CCDC192: variants seen among roughly 807,000 people sequenced by gnomAD.
CCDC192 encodes the protein coiled-coil domain containing 192, also known as coiled-coil domain-containing protein 192.
chr5:127,793,665 A>T (rs183179789), intron 3 of CCDC192, among the ~76,000 whole-genome samples: 151 of 152,084 alleles, frequency 9.9e-4, no homozygotes, highest in African/African-American at 3.4e-3. Context: ...AACAAAAAAT[A>T]TAAAGAAAAT....
chr5:127,900,021 AACCACCACTTATCGGAC>A (rs1235882543), intron 6 of CCDC192, among the ~76,000 whole-genome samples: 7 of 152,014 alleles, frequency 4.6e-5, no homozygotes, highest in African/African-American at 1.4e-4. Flanking sequence ...GTGTAGATTT[AACCACCACTTATCGGAC>A]ACATGTTAAC....
chr5:127,757,979 C>A (rs550957996), intron 3 of CCDC192, among the ~76,000 whole-genome samples: 1 of 151,594 alleles, frequency 6.6e-6, no homozygotes, highest in Non-Finnish European at 1.5e-5. Flanking sequence ...ATGGGCTAGC[C>A]GGGTGAAGTA....
At chr5:127,721,856 G>A (rs1752046243) in intron 2 of CCDC192, among the ~76,000 whole-genome samples, 1 of 152,116 alleles carries the variant, frequency 6.6e-6, no homozygotes, top group African/African-American at 2.4e-5. Flanking sequence ...AGAAAGCGGG[G>A]AGGTGCCACA....
chr5:127,856,289 T>G (rs183494490), intron 5 of CCDC192, among the ~76,000 whole-genome samples: 31 of 152,360 alleles, frequency 2.0e-4, no homozygotes, highest in African/African-American at 7.5e-4. Flanking sequence ...TAATCTTTAC[T>G]AGCTTCCAAC....
intron 2 of CCDC192, among the ~76,000 whole-genome samples, chr5:127,733,026 A>C (rs1752732164): frequency 6.6e-6 from 1 of 152,198 alleles, no homozygotes; most frequent in Non-Finnish European, 1.5e-5. Context: ...TTTTTAAAAA[A>C]GAAGGTCAAG....
chr5:127,843,682 C>A (rs890411051), intron 5 of CCDC192, among the ~76,000 whole-genome samples: 7 of 152,164 alleles, frequency 4.6e-5, no homozygotes, highest in African/African-American at 1.7e-4. Flanking sequence ...AGGTGATCCG[C>A]CTGCCTGGCC....
At chr5:127,743,959 T>C (rs1054152890) in intron 2 of CCDC192, among the ~76,000 whole-genome samples, 6 of 151,622 alleles carry the variant, frequency 4.0e-5, no homozygotes, top group African/African-American at 1.5e-4. Context: ...CCAGGCATGG[T>C]GGCGGGCGCC....
At chr5:127,907,317 A>G (rs2127172879) in intron 6 of CCDC192, among the ~76,000 whole-genome samples, 1 of 152,298 alleles carries the variant, frequency 6.6e-6, no homozygotes, top group South Asian at 2.1e-4. Context: ...TTTATGTTTT[A>G]AAACAAACTG....
chr5:127,851,857 C>G (rs1005210934), intron 5 of CCDC192, among the ~76,000 whole-genome samples: 2 of 152,210 alleles, frequency 1.3e-5, no homozygotes, highest in Admixed American at 1.3e-4. Flanking sequence ...TTACATTGAG[C>G]CCACACATCT....
chr5:127,877,234 G>A (rs112114992), intron 6 of CCDC192, among the ~76,000 whole-genome samples: 3,456 of 152,118 alleles, frequency 0.023, 117 homozygotes, highest in African/African-American at 0.078. Flanking sequence ...TTGTTTCTTG[G>A]ATATTTTGAT....
At chr5:127,775,555 G>A (rs1449004004) in intron 3 of CCDC192, among the ~76,000 whole-genome samples, 1 of 152,102 alleles carries the variant, frequency 6.6e-6, no homozygotes, top group Non-Finnish European at 1.5e-5. Context: ...CTTTTCAGTG[G>A]CAATCATCTC....
intron 6 of CCDC192, among the ~76,000 whole-genome samples, chr5:127,918,401 T>A (rs1753592632): frequency 6.6e-6 from 1 of 152,148 alleles, no homozygotes; most frequent in Non-Finnish European, 1.5e-5. Context: ...CAAACCATGT[T>A]AGCATGAGCA....
chr5:127,723,433 A>G (rs62373502), intron 2 of CCDC192, among the ~76,000 whole-genome samples: 47,050 of 152,038 alleles, frequency 0.31, 7,620 homozygotes, highest in South Asian at 0.43. Context: ...TTCCTTTCCA[A>G]TCTGGATGCT....
chr5:127,750,111 C>T (rs1754050532), intron 2 of CCDC192, among the ~76,000 whole-genome samples: 1 of 152,128 alleles, frequency 6.6e-6, no homozygotes, highest in South Asian at 2.1e-4. Context: ...GTCTCTATTT[C>T]CTTCACTTCT....
In CCDC192 at chr5:127,769,413, A is replaced by ATGTG. The variant is rs140726654; in HGVS notation, c.222+15062_222+15065dup. ...AAATAGGTTGTTGGATTTTGTGTGT[A>ATGTG]TGTGTGTGTGTGTGTGTGTGTGTGT... On this transcript the variant is annotated intron_variant, in intron 3 of 6. Transcript: ENST00000514853. Among the ~76,000 whole-genome samples the ATGTG allele has an allele frequency of 1.7e-3, 247 of 146,298 alleles. 3 individuals are homozygous for ATGTG. The highest frequency in any genetic ancestry group is 5.3e-3 in the South Asian group (24 of 4,544).
intron 2 of CCDC192, among the ~76,000 whole-genome samples, chr5:127,729,679 C>T (rs1025589752): frequency 1.3e-5 from 2 of 152,110 alleles, no homozygotes; most frequent in African/African-American, 4.8e-5. Context: ...TCTCCCAGAC[C>T]ACAGCACAAT....
At chr5:127,899,401 A>G (rs1198032477) in intron 6 of CCDC192, among the ~76,000 whole-genome samples, 1 of 152,150 alleles carries the variant, frequency 6.6e-6, no homozygotes, top group Non-Finnish European at 1.5e-5. Flanking sequence ...ACACATTGGC[A>G]GGAGAGGAAA....
At chr5:127,857,484 T>G (rs914942977) in intron 5 of CCDC192, 1 of 152,196 alleles carries the variant, frequency 6.6e-6, no homozygotes. Flanking sequence ...CTACTTAAAT[T>G]TATTGTCTAC....
At chr5:127,883,501 A>T (rs1451834444) in intron 6 of CCDC192, among the ~76,000 whole-genome samples, 1 of 152,244 alleles carries the variant, frequency 6.6e-6, no homozygotes, top group Non-Finnish European at 1.5e-5. Context: ...TATAGGTCTC[A>T]TTCAGAGATT....
Sources: gnomAD v4.1 joint callset for allele counts (sites outside exome capture counted in the v4.1 genomes callset) on GRCh38, gnomAD v4.1.1 for gene constraint, MANE v1.5 for transcripts, NCBI Gene and HGNC (gene_info 2026-07-23, HGNC 2026-07-21) for gene names.